The following ACYP2 variants were observed in gnomAD, a reference collection of about 807,000 sequenced individuals.
ACYP2 encodes acylphosphatase-2.
ACYP2 carries 12 observed loss-of-function variants against 11.2 expected under a neutral mutation model. The ratio of observed to expected loss-of-function variants is 1.08; its 90% CI spans 0.69 to 1.74. The LOEUF is 1.74. Ranked by LOEUF, ACYP2 falls within the 40% of genes most tolerant of loss-of-function variation. The pLI is 0.00. For synonymous variants in ACYP2, 43 were observed against 32.2 expected, an observed-to-expected ratio of 1.33 and a Z score of -1.13; for missense variants, 134 against 101.9, an observed-to-expected ratio of 1.31 and a Z score of -1.35.
chr2:54,143,473 G>T (rs928787520), intron 6 of ACYP2, among the ~76,000 whole-genome samples: 4 of 152,080 alleles, frequency 2.6e-5, no homozygotes, highest in African/African-American at 9.7e-5. Context: ...TCGCTTTGTT[G>T]CCCACGCTGG....
chr2:54,258,899 A>G (rs1246068345), intron 6 of ACYP2, among the ~76,000 whole-genome samples: 1 of 152,244 alleles, frequency 6.6e-6, no homozygotes, highest in East Asian at 1.9e-4. Flanking sequence ...TAGCATGACA[A>G]AAAAGCAGAA....
intron 2 of ACYP2, among the ~76,000 whole-genome samples, chr2:53,995,488 T>TTTTATTTA (rs374442168): frequency 0.31 from 44,584 of 144,922 alleles, 7,133 homozygotes; most frequent in South Asian, 0.46. Flanking sequence ...TTTATTTATT[T>TTTTATTTA]TTTATTTATT....
chr2:54,122,379 C>G (rs1680210921), intron 4 of ACYP2, among the ~76,000 whole-genome samples: 1 of 152,194 alleles, frequency 6.6e-6, no homozygotes, highest in Non-Finnish European at 1.5e-5. Context: ...TGGACCTTGA[C>G]TGAGCAGCAT....
At chr2:54,266,424 C>T (rs1688019909) in intron 6 of ACYP2, among the ~76,000 whole-genome samples, 1 of 151,954 alleles carries the variant, frequency 6.6e-6, no homozygotes, top group Admixed American at 6.6e-5. Flanking sequence ...AAATGTTTTT[C>T]CAACAATTTT....
At chr2:53,973,598 T>C (rs951021298) in intron 1 of ACYP2, 1 of 198,736 alleles carries the variant, frequency 5.0e-6, no homozygotes, top group African/African-American at 2.3e-5. Context: ...CTTGAGAATG[T>C]ACTTTGTGAG....
rs957145543 is a variant in ACYP2 at position 54,256,003 on chromosome 2, G to A, written c.405-48685G>A. On this transcript the variant is annotated intron_variant, in intron 6 of 6. Coordinates refer to ENST00000607452, the MANE Select transcript of ACYP2 (RefSeq NM_001320586.2). ...CCCCTCCTCTGGAAGCCGGGGCGGTGGGAACACGATTGGCTCCAAGCGGCC... is the reference window on the plus strand; with the variant it reads ...CCCCTCCTCTGGAAGCCGGGGCGGTAGGAACACGATTGGCTCCAAGCGGCC... The A allele has an allele frequency of 2.5e-6, 4 of 1,614,026 alleles. No homozygotes were observed. In the African/African-American group the frequency reaches 5.3e-5, roughly 22 times the overall value.
intron 2 of ACYP2, among the ~76,000 whole-genome samples, chr2:53,995,745 G>A (rs549625518): frequency 2.6e-5 from 4 of 151,996 alleles, no homozygotes; most frequent in Admixed American, 2.6e-4. Context: ...GAGCCAGCTC[G>A]CCTGGCCTCA....
chr2:54,037,893 CT>C (rs915279067), intron 2 of ACYP2, among the ~76,000 whole-genome samples: 7 of 152,092 alleles, frequency 4.6e-5, no homozygotes, highest in African/African-American at 1.7e-4. Context: ...CTTGGAAATT[CT>C]TTCAGGAATG....
intron 2 of ACYP2, among the ~76,000 whole-genome samples, chr2:53,985,452 A>G (rs1397305966): frequency 6.6e-6 from 1 of 152,114 alleles, no homozygotes; most frequent in African/African-American, 2.4e-5. Context: ...ACCCAGGCTG[A>G]TGGCTATCTG....
At chr2:54,059,456 C>A (rs1676350696) in intron 4 of ACYP2, among the ~76,000 whole-genome samples, 1 of 152,120 alleles carries the variant, frequency 6.6e-6, no homozygotes, top group African/African-American at 2.4e-5. Flanking sequence ...AGGTGATCCA[C>A]CCTTTTTGGC....
intron 6 of ACYP2, among the ~76,000 whole-genome samples, chr2:54,159,291 G>A (rs1440750821): frequency 6.6e-6 from 1 of 151,852 alleles, no homozygotes; most frequent in Non-Finnish European, 1.5e-5. Flanking sequence ...TACCTGGGTG[G>A]TGGTGGAACT....
intron 6 of ACYP2, among the ~76,000 whole-genome samples, chr2:54,204,021 G>C (rs983288549): frequency 6.6e-6 from 1 of 152,136 alleles, no homozygotes; most frequent in Non-Finnish European, 1.5e-5. Context: ...TTAAGACGGA[G>C]TCTCGCTCTG....
chr2:54,305,012 A>C lies in ACYP2; in HGVS notation c.*210A>C. ...CAAAAATATAGTATTCTAAGATTAA[A>C]ATGTCATTACAAAATATTTAGTGTG... On this transcript the variant is annotated 3_prime_UTR_variant, in exon 7 of 7. Transcript: ENST00000607452. 1 of 355,850 alleles carries C rather than the reference A, an allele frequency of 2.8e-6. No homozygotes were observed. The highest frequency in any genetic ancestry group is 5.0e-6 in the Non-Finnish European group (1 of 199,166). 22.0% of individuals were successfully genotyped at this position (355,850 alleles called of 1,614,324 possible).
At chr2:54,012,597 T>G (rs1673433816) in intron 2 of ACYP2, among the ~76,000 whole-genome samples, 1 of 151,964 alleles carries the variant, frequency 6.6e-6, no homozygotes, top group Non-Finnish European at 1.5e-5. Flanking sequence ...CTCTCCCTCT[T>G]GGTACAGCAC....
intron 2 of ACYP2, among the ~76,000 whole-genome samples, chr2:53,976,743 C>G (rs936101020): frequency 6.6e-6 from 1 of 152,154 alleles, no homozygotes; most frequent in Admixed American, 6.6e-5. Context: ...GCCATTGTAT[C>G]TACTTCACTT....
chr2:54,215,927 G>C (rs1467724541), intron 6 of ACYP2, among the ~76,000 whole-genome samples: 1 of 152,170 alleles, frequency 6.6e-6, no homozygotes, highest in East Asian at 1.9e-4. Flanking sequence ...ACATTTCTGT[G>C]AGTCCAATCT....
chr2:54,099,257 T>C (rs749579677), intron 4 of ACYP2, among the ~76,000 whole-genome samples: 3 of 152,256 alleles, frequency 2.0e-5, no homozygotes, highest in Non-Finnish European at 2.9e-5. Context: ...AACGTATGCA[T>C]TACCTCAAAT....
intron 6 of ACYP2, chr2:54,254,248 G>A (rs140717255): frequency 1.8e-4 from 27 of 152,422 alleles, no homozygotes; most frequent in Admixed American, 1.6e-3. Flanking sequence ...GGTCTTTTGT[G>A]TGCTGACAGG....
At chr2:54,293,098 G>C (rs1689379793) in intron 6 of ACYP2, among the ~76,000 whole-genome samples, 1 of 152,154 alleles carries the variant, frequency 6.6e-6, no homozygotes, top group Non-Finnish European at 1.5e-5. Flanking sequence ...CCGCAACTCT[G>C]TGAGGGAGGC....
Sources: allele counts gnomAD v4.1 joint callset (sites outside exome capture counted in the v4.1 genomes callset), GRCh38; gene constraint gnomAD v4.1.1; transcripts MANE v1.5; gene names NCBI Gene and HGNC (gene_info 2026-07-23, HGNC 2026-07-21).